DPP10: variants seen among roughly 807,000 people sequenced by gnomAD.
DPP10 encodes inactive dipeptidyl peptidase 10.
In DPP10, 33 loss-of-function variants were observed where a neutral mutation model predicts 120.9. That is an observed-to-expected ratio of 0.27 (90% CI 0.21 to 0.37). The LOEUF is 0.37. Among genes scored for constraint, DPP10 ranks in the 10% least tolerant of loss-of-function variants. The probability of loss-of-function intolerance (pLI) is 1.00; values close to 1 mark genes in which losing one functional copy is unlikely to be tolerated. For synonymous variants in DPP10, 337 were observed against 326.1 expected, an observed-to-expected ratio of 1.03 and a Z score of -0.36; for missense variants, 816 against 942.8, an observed-to-expected ratio of 0.87 and a Z score of 1.76.
chr2:114,926,505 C>T (rs1695630268), intron 1 of DPP10, among the ~76,000 whole-genome samples: 4 of 152,282 alleles, frequency 2.6e-5, no homozygotes, highest in East Asian at 1.9e-4. Context: ...AAGAGGCCTC[C>T]GCCAGGACTG....
At chr2:115,434,864 C>T (rs997247620) in intron 3 of DPP10, among the ~76,000 whole-genome samples, 2 of 151,774 alleles carry the variant, frequency 1.3e-5, no homozygotes, top group Non-Finnish European at 2.9e-5. Context: ...TGATAACCAC[C>T]ATTCTACCCT....
chr2:115,443,460 G>A (rs946154704), intron 3 of DPP10, among the ~76,000 whole-genome samples: 2 of 152,098 alleles, frequency 1.3e-5, no homozygotes, highest in Non-Finnish European at 2.9e-5. Flanking sequence ...GCCTGTTAAC[G>A]TGAATATGCA....
At chr2:115,198,711 C>T (rs2055470071) in intron 1 of DPP10, among the ~76,000 whole-genome samples, 1 of 152,108 alleles carries the variant, frequency 6.6e-6, no homozygotes, top group African/African-American at 2.4e-5. Context: ...CCCCCCAGCC[C>T]CACCCAGACT....
intron 1 of DPP10, among the ~76,000 whole-genome samples, chr2:115,001,787 A>C (rs1371539845): frequency 1.3e-5 from 2 of 152,140 alleles, no homozygotes; most frequent in Non-Finnish European, 2.9e-5. Context: ...CACAATCACC[A>C]CCAAAAGAAT....
intron 3 of DPP10, among the ~76,000 whole-genome samples, chr2:115,393,625 A>G (rs2106553425): frequency 6.6e-6 from 1 of 152,324 alleles, no homozygotes; most frequent in East Asian, 1.9e-4. Flanking sequence ...TCTGGGAACC[A>G]TTGTGTATTC....
At chr2:115,693,347 G>T (rs1235686799) in intron 7 of DPP10, among the ~76,000 whole-genome samples, 4 of 152,048 alleles carry the variant, frequency 2.6e-5, no homozygotes, top group Non-Finnish European at 5.9e-5. Flanking sequence ...AGTGGCAGGT[G>T]CTCTCATCCT....
intron 3 of DPP10, among the ~76,000 whole-genome samples, chr2:115,470,855 A>G (rs2074665178): frequency 6.6e-6 from 1 of 152,196 alleles, no homozygotes; most frequent in South Asian, 2.1e-4. Context: ...GTACTTCACC[A>G]TATTTCTTCC....
intron 1 of DPP10, among the ~76,000 whole-genome samples, chr2:114,639,256 G>T (rs999652776): frequency 1.3e-5 from 2 of 151,726 alleles, no homozygotes; most frequent in Non-Finnish European, 2.9e-5. Context: ...GCAGAGAAAC[G>T]CTCCTTTATA....
chr2:115,745,903 C>A (rs537549891), intron 9 of DPP10, among the ~76,000 whole-genome samples, 183 bp from the exon 10 acceptor site: 1 of 152,256 alleles, frequency 6.6e-6, no homozygotes, highest in South Asian at 2.1e-4. Flanking sequence ...TGAGAAGCAG[C>A]AATCTTCAAA....
intron 1 of DPP10, among the ~76,000 whole-genome samples, chr2:114,618,501 C>T (rs1163899934): frequency 2.0e-5 from 3 of 151,922 alleles, no homozygotes; most frequent in Admixed American, 1.3e-4. Flanking sequence ...TATTTTCACC[C>T]ACCACATTTC....
At chr2:115,329,714 G>T (rs528885082) in intron 2 of DPP10, among the ~76,000 whole-genome samples, 2 of 152,216 alleles carry the variant, frequency 1.3e-5, no homozygotes, top group African/African-American at 2.4e-5. Flanking sequence ...GCGACAGTTT[G>T]CTGAGAATGA....
Position 114,993,580 on chromosome 2 carries a change from GTATATATATA to G in DPP10, c.61-315641_61-315632del, listed in dbSNP as rs59593945. Among the ~76,000 whole-genome samples, 41 of 97,354 alleles carry G rather than the reference GTATATATATA, an allele frequency of 4.2e-4. 1 individual carries two copies. Among genetic ancestry groups the G allele is most frequent in the Non-Finnish European group, 4.4e-4 (22 of 49,682 alleles). 63.9% of individuals were successfully genotyped at this position (97,354 alleles called of 152,430 possible). ...ATTCTTATTATGTGTGTGTGTGTGT[GTATATATATA>G]TATATATATATATATATGAATTTAT... On this transcript the variant is annotated intron_variant, in intron 1 of 25. Transcript: ENST00000410059.
intron 5 of DPP10, among the ~76,000 whole-genome samples, chr2:115,680,777 T>C (rs755169483): frequency 1.3e-5 from 2 of 151,822 alleles, no homozygotes; most frequent in Non-Finnish European, 2.9e-5. Context: ...AGATGCTAAA[T>C]AGGGTAAAAT....
chr2:114,954,080 CT>C (rs66485866), intron 1 of DPP10, among the ~76,000 whole-genome samples: 3 of 122,058 alleles, frequency 2.5e-5, no homozygotes, highest in East Asian at 2.5e-4. Flanking sequence ...TTAAGAAGTC[CT>C]TTTTTTTTTT....
chr2:115,159,402 A>G (rs1425652387), intron 1 of DPP10, among the ~76,000 whole-genome samples: 1 of 152,210 alleles, frequency 6.6e-6, no homozygotes, highest in Non-Finnish European at 1.5e-5. Context: ...ATTAGAAACC[A>G]TACAAAACAG....
intron 1 of DPP10, among the ~76,000 whole-genome samples, chr2:114,528,079 A>G (rs898841468): frequency 1.4e-4 from 21 of 152,064 alleles, no homozygotes; most frequent in Admixed American, 1.2e-3. Flanking sequence ...TTACTTGAAG[A>G]CGGAAAGAGG....
intron 1 of DPP10, among the ~76,000 whole-genome samples, chr2:115,221,754 GTTTTTTTTTTTTTT>G (rs56077672): frequency 1.7e-5 from 2 of 120,144 alleles, no homozygotes; most frequent in South Asian, 2.6e-4. Context: ...GTTTGTTTCT[GTTTTTTTTTTTTTT>G]TTTTTTTTTT....
At chr2:114,804,778 T>A (rs750527091) in intron 1 of DPP10, among the ~76,000 whole-genome samples, 23 of 152,214 alleles carry the variant, frequency 1.5e-4, no homozygotes, top group Non-Finnish European at 2.6e-4. Flanking sequence ...GGACTTGCCT[T>A]GTCTCAGATG....
intron 1 of DPP10, among the ~76,000 whole-genome samples, chr2:115,173,164 G>C (rs2105076534): frequency 6.6e-6 from 1 of 152,226 alleles, no homozygotes; most frequent in Admixed American, 6.5e-5. Flanking sequence ...TTGGACTGCA[G>C]CTTCGTTCCT....
Sources: gnomAD v4.1 joint callset for allele counts (sites outside exome capture counted in the v4.1 genomes callset) on GRCh38, gnomAD v4.1.1 for gene constraint, MANE v1.5 for transcripts, NCBI Gene and HGNC (gene_info 2026-07-23, HGNC 2026-07-21) for gene names.